ZNF335: variants seen among roughly 807,000 people sequenced by gnomAD.
ZNF335 encodes zinc finger protein 335, also known as NRC-interacting factor 1.
A neutral mutation model predicts 145.6 loss-of-function variants in ZNF335; 84 were observed. The observed-to-expected ratio is 0.58, with a 90% CI of 0.48 to 0.69. The LOEUF is 0.69. ZNF335 is among the 30% of genes least tolerant of loss of function. ZNF335 has a pLI of 0.00. For synonymous variants in ZNF335, 761 were observed against 717.0 expected, an observed-to-expected ratio of 1.06 and a Z score of -0.98; for missense variants, 1,865 against 1,809.7, an observed-to-expected ratio of 1.03 and a Z score of -0.55.
At position 45,967,635 on chromosome 20, in the gene ZNF335, C is replaced by T. The variant is rs1452932728; in HGVS notation, c.815-1G>A. 6.2e-7 allele frequency: 1 copy of T among 1,613,772 alleles called. No individual in the cohort carries two copies. Among genetic ancestry groups the T allele is most frequent in the East Asian group, 2.2e-5 (1 of 44,892 alleles). ...CCAGCTGCTGCTGCGGCTGCTGCTA[C>T]TGGAAGTGGAGGGAGGGTAAGACAA... On this transcript the variant is annotated splice_acceptor_variant, in intron 5 of 27. Transcript: ENST00000322927. LOFTEE classifies it high-confidence loss of function.
chr20:45,971,370 G>A lies in ZNF335; in HGVS notation c.41C>T (p.Pro14Leu), dbSNP rs751770440. ...NEVESSSDAA[P>L]GPGRPEEPSE... ...GGGCTCCTCGGGCCGGCCAGGCCCA[G>A]GGGCCGCGTCGCTGCTGCTCTCCAC... Residue 14 changes from proline (P) to leucine (L), a missense_variant, in exon 2 of 28, where the codon CCT becomes CTT. Transcript: ENST00000322927. 3 of 1,600,648 alleles carry A rather than the reference G, an allele frequency of 1.9e-6. No individual in the cohort carries two copies. Among genetic ancestry groups the A allele is most frequent in the Non-Finnish European group, 2.5e-6 (3 of 1,179,718 alleles).
chr20:45,950,562 GGGGCCGTA>G lies in ZNF335; in HGVS notation c.3215_3222del (p.Leu1072ProfsTer4). Reference sequence around the variant, plus strand: ...GCAAAGCTGCACTGGCTACACTGGTGGGGCCGTAGGCTTGAGTGCTGTGCCATGTGCGC... The same window carrying G: ...GCAAAGCTGCACTGGCTACACTGGTGGGCTTGAGTGCTGTGCCATGTGCGC... On this transcript the variant is annotated frameshift_variant, in exon 21 of 28. Transcript: ENST00000322927. LOFTEE classifies it high-confidence loss of function. 1 of 1,614,122 alleles carries G rather than the reference GGGGCCGTA, an allele frequency of 6.2e-7. No individual in the cohort carries two copies. Among genetic ancestry groups the G allele is most frequent in the Middle Eastern group, 1.6e-4 (1 of 6,062 alleles).
chr20:45,960,654 T>C lies in ZNF335; in HGVS notation c.1744A>G (p.Lys582Glu). 2 of 1,614,108 alleles carry C rather than the reference T, an allele frequency of 1.2e-6. No homozygotes were observed. The highest frequency in any genetic ancestry group is 1.7e-6 in the Non-Finnish European group (2 of 1,180,006). ...PMQKRLTQHM[K>E]THSTEKPHMC... The stretch of plus-strand genomic sequence containing the variant: ...TGGGGCTTCTCAGTGCTGTGCGTCT[T>C]CATGTGCTGCGTGAGTCTTTTCTGC... The change falls in exon 12 of 28, where the codon AAG becomes GAG. Residue 582 changes from lysine (K) to glutamate (E), a missense_variant. By Grantham distance (56) the Lys-to-Glu change is moderately conservative. Transcript: ENST00000322927.
intron 20 of ZNF335, among the ~76,000 whole-genome samples, chr20:45,951,111 C>T (rs3859611): frequency 0.37 from 57,000 of 152,122 alleles, 11,175 homozygotes; most frequent in Middle Eastern, 0.48. Context: ...AGGCTGGTCT[C>T]AAACTCCCGA....
chr20:45,956,679 A>G (rs766278691), intron 17 of ZNF335, among the ~76,000 whole-genome samples: 1 of 152,116 alleles, frequency 6.6e-6, no homozygotes, highest in Non-Finnish European at 1.5e-5. Context: ...TGAGGAGGAC[A>G]CTTCAAACCA....
At chr20:45,958,424 C>A (rs1321726347) in intron 15 of ZNF335, among the ~76,000 whole-genome samples, 1 of 152,180 alleles carries the variant, frequency 6.6e-6, no homozygotes, top group Non-Finnish European at 1.5e-5. Context: ...AGTGGCTGGC[C>A]AAGAATCCCA....
chr20:45,952,201 A>C lies in ZNF335; in HGVS notation c.3135T>G (p.Gly1045=). ...ESHKRAHAGP[G]AFKCPDCPFS... ...AGGGGCAGTCGGGGCACTTGAAGGC[A>C]CCAGGCCCAGCGTGGGCCCGCTTGT... The change falls in exon 20 of 28, where the codon GGT becomes GGG. Residue 1045 remains glycine, a synonymous_variant. Transcript: ENST00000322927. The C allele has an allele frequency of 6.2e-7, 1 of 1,612,650 alleles. No homozygotes were observed. The highest frequency in any genetic ancestry group is 8.5e-7 in the Non-Finnish European group (1 of 1,179,738).
chr20:45,969,075 T>A (rs766286702), intron 3 of ZNF335, among the ~76,000 whole-genome samples: 4 of 152,194 alleles, frequency 2.6e-5, no homozygotes. Flanking sequence ...CTGGTGACAG[T>A]GGGTAAGTTA....
Position 45,963,301 on chromosome 20 carries a change from G to C in ZNF335, c.1533+172C>G, listed in dbSNP as rs982416992. ...CCCTCCCCACATTCCCGCAAGCTCT[G>C]AGGAGCTGAGCGTTCTTCGGTACGC... On this transcript the variant is annotated intron_variant, in intron 9 of 27. Transcript: ENST00000322927. Among the ~76,000 whole-genome samples the C allele has an allele frequency of 1.5e-4, 23 of 152,160 alleles. 1 individual carries two copies. The highest frequency in any genetic ancestry group is 2.9e-5 in the Non-Finnish European group (2 of 68,028).
chr20:45,949,743 G>T, intron 24 of ZNF335, 57 bp downstream of exon 24: 1 of 1,579,330 alleles, frequency 6.3e-7, no homozygotes, highest in South Asian at 1.1e-5. Context: ...CCCAAGGTAG[G>T]TCTTTGGGAG....
rs533862665 is a variant in ZNF335 at position 45,954,089 on chromosome 20, C to T, written c.2443-141G>A. On this transcript the variant is annotated intron_variant, in intron 17 of 27. Transcript: ENST00000322927. The stretch of plus-strand genomic sequence containing the variant: ...GCTGCCACCACTCATTTGAATAGCC[C>T]AAGTTCTTTCTAAAATATACTCTGG... 294 of 1,057,198 alleles carry T rather than the reference C, an allele frequency of 2.8e-4. 4 individuals carry two copies. The South Asian group carries it at 4.7e-3, about 17-fold the overall frequency. 65.5% of individuals were successfully genotyped at this position (1,057,198 alleles called of 1,614,324 possible). A position where few individuals can be genotyped will look rare whatever the true frequency, so the allele number is the denominator to read the frequency against.
chr20:45,957,707 C>T lies in ZNF335; in HGVS notation c.2348-27G>A, dbSNP rs375510148. Reference sequence around the variant, plus strand: ...TGGGTGGGGTGGGACCTAAGCCTGACAAAGTGCTAGAAAACTGGCACCCAA... The same window carrying T: ...TGGGTGGGGTGGGACCTAAGCCTGATAAAGTGCTAGAAAACTGGCACCCAA... On this transcript the variant is annotated intron_variant, in intron 16 of 27. Coordinates refer to ENST00000322927, the MANE Select transcript of ZNF335 (RefSeq NM_022095.4). 881 of 1,613,458 alleles carry T rather than the reference C, an allele frequency of 5.5e-4. 2 individuals carry two copies. The highest frequency in any genetic ancestry group is 4.3e-4 in the Non-Finnish European group (507 of 1,179,474).
chr20:45,949,179 C>A lies in ZNF335; in HGVS notation c.3892G>T (p.Ala1298Ser). 6.2e-7 allele frequency: 1 copy of A among 1,613,736 alleles called. No individual in the cohort carries two copies. The highest frequency in any genetic ancestry group is 2.2e-5 in the East Asian group (1 of 44,870). Residue 1298 changes from alanine to serine, a missense_variant, in exon 27 of 28, where the codon GCT (alanine) becomes TCT (serine). By Grantham distance (99) the Ala-to-Ser change is moderately conservative. Coordinates refer to ENST00000322927, the MANE Select transcript of ZNF335 (RefSeq NM_022095.4). ...GGATCCAGCTCCATACCTGTGACAG[C>A]TGAGTGTGCTGCAGCCTCAAGTTGA... is the stretch of plus-strand genomic sequence containing the variant. ...QAQLEAAAHS[A>S]VTAVADAAMA... is the part of the protein sequence containing the mutation.
At chr20:45,967,271 G>A (rs2083972762) in intron 6 of ZNF335, 1 of 617,446 alleles carries the variant, frequency 1.6e-6, no homozygotes. Flanking sequence ...CTATTTCTGT[G>A]GGGCAAATGT....
intron 19 of ZNF335, 31 bp downstream of exon 19, chr20:45,952,567 T>C: frequency 6.2e-7 from 1 of 1,609,806 alleles, no homozygotes; most frequent in Non-Finnish European, 8.5e-7. Context: ...GGGAGGGAGG[T>C]GGGGGAGTGG....
intron 17 of ZNF335, among the ~76,000 whole-genome samples, chr20:45,954,770 C>CTTTTTTTT (rs10577924): frequency 1.1e-5 from 1 of 90,164 alleles, no homozygotes; most frequent in African/African-American, 4.2e-5. Context: ...CATACAATTA[C>CTTTTTTTT]TTTTTTTTTT....
chr20:45,968,037 G>C lies in ZNF335; in HGVS notation c.521-10C>G. On this transcript the variant is annotated splice_polypyrimidine_tract_variant and intron_variant, in intron 4 of 27. Transcript: ENST00000322927. ...GATGTCATGGGGGCTCCTGGGGATG[G>C]GTGAGGCAATTGGAGGGTGGTTAAA... is the stretch of plus-strand genomic sequence containing the variant. 6.2e-7 allele frequency: 1 copy of C among 1,612,336 alleles called. No homozygotes were observed. The highest frequency in any genetic ancestry group is 8.5e-7 in the Non-Finnish European group (1 of 1,179,990).
intron 2 of ZNF335, among the ~76,000 whole-genome samples, chr20:45,970,745 G>A (rs1355002180): frequency 6.7e-6 from 1 of 150,158 alleles, no homozygotes; most frequent in Non-Finnish European, 1.5e-5. Flanking sequence ...TCTTAACCCA[G>A]GGCACTTGCG....
intron 24 of ZNF335, 24 bp from the exon 25 acceptor site, chr20:45,949,592 G>T (rs752824823): frequency 3.1e-6 from 5 of 1,596,116 alleles, no homozygotes; most frequent in Non-Finnish European, 4.3e-6. Context: ...GGGCGGGCAT[G>T]GCGAGGCAGG....
Sources: allele counts gnomAD v4.1 joint callset (sites outside exome capture counted in the v4.1 genomes callset), GRCh38; gene constraint gnomAD v4.1.1; transcripts MANE v1.5; gene names NCBI Gene and HGNC (gene_info 2026-07-23, HGNC 2026-07-21).